Variants in ANTXR2 observed in about 807,000 individuals in gnomAD.
ANTXR2 encodes ANTXR cell adhesion molecule 2.
Under a neutral mutation model 73.7 loss-of-function variants are expected in ANTXR2, and 44 were observed. The observed-to-expected ratio is 0.60, with a 90% CI of 0.47 to 0.77. ANTXR2 has a LOEUF of 0.77. Among genes scored for constraint, ANTXR2 ranks in the 30% least tolerant of loss-of-function variants. The pLI, the probability that ANTXR2 is intolerant of heterozygous loss-of-function variation, is 0.00. For missense variants in ANTXR2, 604 were observed against 592.5 expected, an observed-to-expected ratio of 1.02 and a Z score of -0.20; for synonymous variants, 217 against 205.9, an observed-to-expected ratio of 1.05 and a Z score of -0.46.
At chr4:79,983,020 T>G (rs1181731353) in intron 14 of ANTXR2, among the ~76,000 whole-genome samples, 1 of 152,118 alleles carries the variant, frequency 6.6e-6, no homozygotes, top group Non-Finnish European at 1.5e-5. Context: ...GGTTATCAAT[T>G]TTTGCTGGCA....
chr4:80,035,977 A>C lies in ANTXR2; in HGVS notation c.692T>G (p.Val231Gly), dbSNP rs956732068. 1 of 1,543,520 alleles carries C rather than the reference A, an allele frequency of 6.5e-7. No homozygotes were observed. Among genetic ancestry groups the C allele is most frequent in the Non-Finnish European group, 8.7e-7 (1 of 1,145,168 alleles). ...TTTAAATTCTAAACACTTACCCCCC[A>C]CACAGACACTTGAGGGCTGCAATTC... ...ILELQPSSVC[V>G]GEEFQIVLSG... Residue 231 changes from valine (V) to glycine (G), a missense_variant, in exon 8 of 17, where the codon GTG (valine) becomes GGG (glycine). By Grantham distance (109) the Val-to-Gly change is moderately radical. Transcript: ENST00000403729.
intron 10 of ANTXR2, among the ~76,000 whole-genome samples, chr4:80,024,078 G>A (rs1221788752): frequency 6.6e-6 from 1 of 152,150 alleles, no homozygotes; most frequent in Non-Finnish European, 1.5e-5. Flanking sequence ...TAAAATAGTG[G>A]CAATGAGGTT....
chr4:80,057,627 CTTT>C (rs1267321363), intron 3 of ANTXR2, among the ~76,000 whole-genome samples: 1 of 151,892 alleles, frequency 6.6e-6, no homozygotes, highest in Non-Finnish European at 1.5e-5. Flanking sequence ...CTGAACCATT[CTTT>C]AAGTTCATTA....
At chr4:80,055,292 G>A in intron 5 of ANTXR2, 68 bp downstream of exon 5, 1 of 1,551,718 alleles carries the variant, frequency 6.4e-7, no homozygotes, top group Non-Finnish European at 8.8e-7. Context: ...CAAATATCAA[G>A]CTATACATTC....
In ANTXR2 at chr4:79,971,735, G is replaced by C. The variant is rs1161493021; in HGVS notation, c.1428+5886C>G. Among the ~76,000 whole-genome samples, 2 of 52,060 alleles carry C rather than the reference G, an allele frequency of 3.8e-5. 1 individual carries two copies. Among genetic ancestry groups the C allele is most frequent in the Admixed American group, 5.6e-4 (2 of 3,548 alleles). 34.2% of individuals were successfully genotyped at this position (52,060 alleles called of 152,430 possible). A position where few individuals can be genotyped will look rare whatever the true frequency, so the allele number is the denominator to read the frequency against. ...AGCCATATGTAGAAAGCTGAAACTG[G>C]ATCCCTTCCTTACACTTTATACAAA... On this transcript the variant is annotated intron_variant, in intron 16 of 16. Coordinates refer to ENST00000403729, the MANE Select transcript of ANTXR2 (RefSeq NM_058172.6).
chr4:80,012,560 A>G (rs1037075214), intron 11 of ANTXR2, among the ~76,000 whole-genome samples: 2 of 152,152 alleles, frequency 1.3e-5, no homozygotes, highest in Non-Finnish European at 2.9e-5. Flanking sequence ...GGCCTTCTAC[A>G]GGAAAAATTT....
intron 12 of ANTXR2, among the ~76,000 whole-genome samples, chr4:79,988,229 TTA>T (rs70944756): frequency 0.023 from 1,551 of 67,330 alleles, 5 homozygotes; most frequent in Non-Finnish European, 0.028. Context: ...CACATAAATT[TTA>T]TATATATATA....
At chr4:79,945,187 G>T (rs1328318084) in intron 16 of ANTXR2, among the ~76,000 whole-genome samples, 1 of 151,708 alleles carries the variant, frequency 6.6e-6, no homozygotes, top group Admixed American at 6.6e-5. Flanking sequence ...TCAATTTCTT[G>T]CCCAATAGAA....
chr4:79,951,126 C>T (rs1034749834), intron 16 of ANTXR2, among the ~76,000 whole-genome samples: 3 of 152,136 alleles, frequency 2.0e-5, no homozygotes. Flanking sequence ...AACTTGTTTT[C>T]ATGAAGTCTT....
intron 16 of ANTXR2, among the ~76,000 whole-genome samples, chr4:79,946,508 CATCA>C (rs1728518304): frequency 6.6e-6 from 1 of 152,106 alleles, no homozygotes; most frequent in African/African-American, 2.4e-5. Flanking sequence ...TGCAATCTCA[CATCA>C]ATCAATCATT....
chr4:80,009,035 T>A (rs978191825), intron 11 of ANTXR2, among the ~76,000 whole-genome samples: 1 of 152,166 alleles, frequency 6.6e-6, no homozygotes, highest in Admixed American at 6.5e-5. Flanking sequence ...TGCATGTAGT[T>A]AAATAATAAG....
chr4:79,983,728 GA>G (rs370872027), intron 14 of ANTXR2, 149 bp downstream of exon 14: 149 of 667,402 alleles, frequency 2.2e-4, no homozygotes, highest in East Asian at 3.0e-4. Flanking sequence ...TGATTCCATA[GA>G]AAAAAAAATG....
Position 80,072,845 on chromosome 4 carries a change from TCC to T in ANTXR2, c.-287_-286del. 1.7e-6 allele frequency: 1 copy of T among 602,338 alleles called. No individual in the cohort carries two copies. Among genetic ancestry groups the T allele is most frequent in the Non-Finnish European group, 2.4e-6 (1 of 423,928 alleles). 37.3% of individuals were successfully genotyped at this position (602,338 alleles called of 1,614,324 possible). A position where few individuals can be genotyped will look rare whatever the true frequency, so the allele number is the denominator to read the frequency against. On this transcript the variant is annotated 5_prime_UTR_variant, in exon 1 of 17. Transcript: ENST00000403729. The stretch of plus-strand genomic sequence containing the variant: ...CCTCCCCCTCCCGATTCCGGAGAGT[TCC>T]TGCAGACAATGCGGGCCCACGGCGA...
rs201898373 is a variant in ANTXR2 at position 79,902,809 on chromosome 4, T to C, written c.*4620A>G. ...AAGAAGCCAGTCATATTGATACAAA[T>C]ATGAGATACAAAAATACTAAAACCT... is the stretch of plus-strand genomic sequence containing the variant. On this transcript the variant is annotated 3_prime_UTR_variant, in exon 17 of 17. Coordinates refer to ENST00000403729, the MANE Select transcript of ANTXR2 (RefSeq NM_058172.6). 1 of 151,274 alleles carries C rather than the reference T, an allele frequency of 6.6e-6. No individual in the cohort carries two copies. The highest frequency in any genetic ancestry group is 2.0e-4 in the East Asian group (1 of 5,112). 9.4% of individuals were successfully genotyped at this position (151,274 alleles called of 1,614,324 possible).
intron 16 of ANTXR2, among the ~76,000 whole-genome samples, chr4:79,919,591 C>A (rs890379551): frequency 3.3e-5 from 5 of 151,832 alleles, no homozygotes; most frequent in Non-Finnish European, 7.4e-5. Context: ...TATCTTTCTC[C>A]CATGCTGGAT....
At chr4:79,984,466 A>C (rs961441714) in intron 13 of ANTXR2, among the ~76,000 whole-genome samples, 3 of 152,164 alleles carry the variant, frequency 2.0e-5, no homozygotes, top group Admixed American at 6.5e-5. Context: ...ATATAAAAGC[A>C]CCAAGAATTT....
chr4:79,954,976 C>G (rs1728836656), intron 16 of ANTXR2, among the ~76,000 whole-genome samples: 1 of 152,118 alleles, frequency 6.6e-6, no homozygotes. Flanking sequence ...GAGAACAGTT[C>G]CAGTATCTAT....
rs957881357 is a variant in ANTXR2, at chr4:79,903,691, G to C, written c.*3738C>G. The C allele has an allele frequency of 1.3e-5, 2 of 152,062 alleles. No homozygotes were observed. The highest frequency in any genetic ancestry group is 2.9e-5 in the Non-Finnish European group (2 of 68,008). 9.4% of individuals were successfully genotyped at this position (152,062 alleles called of 1,614,324 possible). A position where few individuals can be genotyped will look rare whatever the true frequency, so the allele number is the denominator to read the frequency against. The stretch of plus-strand genomic sequence containing the variant: ...ACAATATTAATCTAACTCTAAACTA[G>C]AATATGCGTCTGCACTGACTTTATT... On this transcript the variant is annotated 3_prime_UTR_variant, in exon 17 of 17. Coordinates refer to ENST00000403729, the MANE Select transcript of ANTXR2 (RefSeq NM_058172.6).
intron 16 of ANTXR2, among the ~76,000 whole-genome samples, chr4:79,947,615 C>G (rs377187875): frequency 1.3e-5 from 2 of 152,118 alleles, no homozygotes; most frequent in Non-Finnish European, 1.5e-5. Flanking sequence ...TCTCCTGATA[C>G]GCATCACTCC....
Sources: gnomAD v4.1 joint callset for allele counts (sites outside exome capture counted in the v4.1 genomes callset) on GRCh38, gnomAD v4.1.1 for gene constraint, MANE v1.5 for transcripts, NCBI Gene and HGNC (gene_info 2026-07-23, HGNC 2026-07-21) for gene names.